The following HNRNPR variants were observed in gnomAD, a reference collection of about 807,000 sequenced individuals.
The protein encoded by HNRNPR is heterogeneous nuclear ribonucleoprotein R.
HNRNPR carries 4 observed loss-of-function variants against 70.3 expected under a neutral mutation model. The ratio of observed to expected loss-of-function variants is 0.06; its 90% CI spans 0.03 to 0.13. The LOEUF is 0.13. Ranked by LOEUF, HNRNPR falls within the 10% of genes least tolerant of loss-of-function variation. The probability of loss-of-function intolerance (pLI) is 1.00; values close to 1 mark genes in which losing one functional copy is unlikely to be tolerated. For synonymous variants in HNRNPR, 241 were observed against 267.6 expected (o/e 0.90, Z 0.97); for missense variants, 423 against 788.5 (o/e 0.54, Z 5.55).
At chr1:23,320,783 A>C (rs1345981842) in intron 7 of HNRNPR, among the ~76,000 whole-genome samples, 2 of 152,250 alleles carry the variant, frequency 1.3e-5, no homozygotes, top group Non-Finnish European at 2.9e-5. Flanking sequence ...AGTTTTGTTA[A>C]ATTGTTTCAG....
Position 23,321,634 on chromosome 1 carries a change from T to C in HNRNPR, c.705A>G (p.Lys235=). ...CCACAGAAATGCACACTCCAAGGTG[T>C]TTACCAGGGCGAATTTCATAGCTGT... The part of the protein sequence containing the change: ...LCDSYEIRPG[K]HLGVCISVAN... Residue 235 remains lysine, a synonymous_variant, in exon 7 of 11, where the codon AAA becomes AAG. Transcript: ENST00000302271. 4 of 1,609,916 alleles carry C rather than the reference T, an allele frequency of 2.5e-6. No individual in the cohort carries two copies. The highest frequency in any genetic ancestry group is 3.4e-6 in the Non-Finnish European group (4 of 1,177,570).
At chr1:23,334,071 G>A (rs577542642) in intron 4 of HNRNPR, among the ~76,000 whole-genome samples, 42 of 151,620 alleles carry the variant, frequency 2.8e-4, no homozygotes, top group South Asian at 2.1e-3. Flanking sequence ...GTGCCACCAC[G>A]CCCAGCTAAT....
chr1:23,323,763 C>G lies in HNRNPR; in HGVS notation c.499-31G>C, dbSNP rs1479461947. 5 of 1,585,598 alleles carry G rather than the reference C, an allele frequency of 3.2e-6. No individual in the cohort carries two copies. In the South Asian group the frequency reaches 5.6e-5, roughly 18 times the overall value. On this transcript the variant is annotated intron_variant, in intron 5 of 10. Transcript: ENST00000302271. ...ATAAAACCCCCTTATTAGAATCCAACATAAGCATTTGATTTTAGAGCCATA... is the reference window on the plus strand; with the variant it reads ...ATAAAACCCCCTTATTAGAATCCAAGATAAGCATTTGATTTTAGAGCCATA...
At position 23,317,527 on chromosome 1, in the gene HNRNPR, G is replaced by A. The variant is rs570876970; in HGVS notation, c.1017+956C>T. On this transcript the variant is annotated intron_variant, in intron 8 of 10. Transcript: ENST00000302271. The stretch of plus-strand genomic sequence containing the variant: ...GGAAAACTTAAGAACCAGTACTCAA[G>A]GCACCACTATTAAGATCCTGGCAAC... 8.5e-5 allele frequency among the ~76,000 whole-genome samples: 13 copies of A among 152,176 alleles called. 1 individual carries two copies. Among genetic ancestry groups the A allele is most frequent in the African/African-American group, 3.1e-4 (13 of 41,538 alleles).
At position 23,339,344 on chromosome 1, in the gene HNRNPR, C is replaced by T. The variant is rs539721392; in HGVS notation, c.158-736G>A. 1.1e-3 allele frequency among the ~76,000 whole-genome samples: 171 copies of T among 152,274 alleles called. 1 individual carries two copies. The highest frequency in any genetic ancestry group is 3.8e-3 in the African/African-American group (157 of 41,566). On this transcript the variant is annotated intron_variant, in intron 2 of 10. Transcript: ENST00000302271. The stretch of plus-strand genomic sequence containing the variant: ...TGGCATTCACATTGACTGTCAAGAA[C>T]GACAATCATTTTCAAATGGCAATAA...
At chr1:23,331,545 C>G (rs1004287395) in intron 5 of HNRNPR, among the ~76,000 whole-genome samples, 2 of 152,026 alleles carry the variant, frequency 1.3e-5, no homozygotes, top group Admixed American at 1.3e-4. Flanking sequence ...ACAAAATTAG[C>G]CAGGTGTGGC....
chr1:23,341,408 C>T (rs1395888451), intron 1 of HNRNPR, among the ~76,000 whole-genome samples: 1 of 152,132 alleles, frequency 6.6e-6, no homozygotes, highest in Non-Finnish European at 1.5e-5. Context: ...GTTTTAAAAA[C>T]AGAATGAACA....
intron 5 of HNRNPR, among the ~76,000 whole-genome samples, chr1:23,327,368 T>C (rs967473520): frequency 6.6e-6 from 1 of 152,214 alleles, no homozygotes; most frequent in Non-Finnish European, 1.5e-5. Context: ...ATGAAGTTTA[T>C]ATTCTACTGA....
Position 23,307,654 on chromosome 1 carries a change from AATAC to A in HNRNPR, c.*2796_*2799del, listed in dbSNP as rs1156723725. On this transcript the variant is annotated 3_prime_UTR_variant, in exon 11 of 11. Transcript: ENST00000302271. ...TTAAAAATTAAAATACCTTCATATA[AATAC>A]ATACATTTAAGCAACTGCTATAAAT... 1 of 152,118 alleles carries A rather than the reference AATAC, an allele frequency of 6.6e-6. No individual in the cohort carries two copies. The highest frequency in any genetic ancestry group is 1.9e-4 in the East Asian group (1 of 5,208). 9.4% of individuals were successfully genotyped at this position (152,118 alleles called of 1,614,324 possible).
At chr1:23,313,772 C>T (rs945048088) in intron 8 of HNRNPR, 70 bp from the exon 9 acceptor site, 1 of 1,496,312 alleles carries the variant, frequency 6.7e-7, no homozygotes, top group Non-Finnish European at 9.0e-7. Flanking sequence ...TTCTTCCTGT[C>T]TTCATAGCAT....
Position 23,308,649 on chromosome 1 carries a change from C to T in HNRNPR, c.*1805G>A, listed in dbSNP as rs1645242011. The T allele has an allele frequency of 6.6e-6, 1 of 152,032 alleles. No individual in the cohort carries two copies. The highest frequency in any genetic ancestry group is 2.4e-5 in the African/African-American group (1 of 41,526). The allele number at this position is 152,032 out of a possible 1,614,324, so 9.4% of individuals were successfully genotyped here. The stretch of plus-strand genomic sequence containing the variant: ...ATCAGTTTCCAAAAAACTAAAATAT[C>T]AATAAGGTCTGTTAAATGACTATAC... On this transcript the variant is annotated 3_prime_UTR_variant, in exon 11 of 11. Coordinates refer to ENST00000302271, the MANE Select transcript of HNRNPR (RefSeq NM_005826.5).
At chr1:23,316,119 C>T (rs1341099299) in intron 8 of HNRNPR, among the ~76,000 whole-genome samples, 2 of 152,130 alleles carry the variant, frequency 1.3e-5, no homozygotes, top group Non-Finnish European at 2.9e-5. Context: ...GTGTGAATAA[C>T]AGAAGCTTTA....
At chr1:23,343,280 CCT>C (rs1646773576) in intron 1 of HNRNPR, among the ~76,000 whole-genome samples, 2 of 152,108 alleles carry the variant, frequency 1.3e-5, no homozygotes, top group African/African-American at 4.8e-5. Context: ...TTTTTCTGAA[CCT>C]CTCTGTGCAA....
Position 23,332,285 on chromosome 1 carries a change from C to A in HNRNPR, c.498+1233G>T, listed in dbSNP as rs560641529. The stretch of plus-strand genomic sequence containing the variant: ...ACATACTCAATCTTTTATCTGATTC[C>A]ACATCCTTCCCTTGTGCAATCCACG... On this transcript the variant is annotated intron_variant, in intron 5 of 10. Transcript: ENST00000302271. 2.0e-5 allele frequency among the ~76,000 whole-genome samples: 3 copies of A among 152,164 alleles called. No homozygotes were observed. The East Asian group carries it at 5.8e-4, about 29-fold the overall frequency.
Position 23,333,637 on chromosome 1 carries a change from G to A in HNRNPR, c.385-6C>T. ...CCAGTTCTCTCAAGCAAGGCCTAGA[G>A]ATAATTATACATCTCTTTATACTTG... On this transcript the variant is annotated splice_polypyrimidine_tract_variant and splice_region_variant and intron_variant, in intron 4 of 10. Transcript: ENST00000302271. 6.6e-7 allele frequency: 1 copy of A among 1,509,258 alleles called. No individual in the cohort carries two copies. The highest frequency in any genetic ancestry group is 9.2e-7 in the Non-Finnish European group (1 of 1,084,504). The allele number at this position is 1,509,258 out of a possible 1,614,324, so 93.5% of individuals were successfully genotyped here.
intron 2 of HNRNPR, among the ~76,000 whole-genome samples, chr1:23,339,698 T>C (rs914546970): frequency 3.3e-5 from 5 of 152,196 alleles, no homozygotes; most frequent in African/African-American, 1.2e-4. Context: ...AAAGTTGCCA[T>C]GATTTGTTTC....
In HNRNPR at chr1:23,324,128, C is replaced by T. The variant is rs1645866486; in HGVS notation, c.499-396G>A. On this transcript the variant is annotated intron_variant, in intron 5 of 10. Coordinates refer to ENST00000302271, the MANE Select transcript of HNRNPR (RefSeq NM_005826.5). ...AGGAGTTCAAAACTAGCCTAGGCAA[C>T]ATGGCAAAACCCCATTTCTATTATT... Among the ~76,000 whole-genome samples, 2 of 150,720 alleles carry T rather than the reference C, an allele frequency of 1.3e-5. 1 individual carries two copies. Among genetic ancestry groups the T allele is most frequent in the African/African-American group, 4.9e-5 (2 of 40,960 alleles).
In HNRNPR at chr1:23,310,381, A is replaced by AT. The variant is rs1474262091; in HGVS notation, c.*72dup. 53,473 of 953,696 alleles carry AT rather than the reference A, an allele frequency of 0.056. 4 individuals carry two copies. The highest frequency in any genetic ancestry group is 0.072 in the South Asian group (3,303 of 46,104). The allele number at this position is 953,696 out of a possible 1,614,324, so 59.1% of individuals were successfully genotyped here. ...ACTTAAAGATGAAACAGTTAAGCCAATTTTTTTTTTTGAAGAATGTAGATC... is the reference window on the plus strand; with the variant it reads ...ACTTAAAGATGAAACAGTTAAGCCAATTTTTTTTTTTTGAAGAATGTAGATC... On this transcript the variant is annotated 3_prime_UTR_variant, in exon 11 of 11. Transcript: ENST00000302271. The surrounding 1 kb of genome is among the most constrained non-coding windows in gnomAD (Gnocchi z 6.0).
rs1645211431 is a variant in HNRNPR at position 23,306,936 on chromosome 1, C to T, written c.*3518G>A. 6.6e-6 allele frequency: 1 copy of T among 152,160 alleles called. No individual in the cohort carries two copies. The highest frequency in any genetic ancestry group is 1.5e-5 in the Non-Finnish European group (1 of 68,020). 9.4% of individuals were successfully genotyped at this position (152,160 alleles called of 1,614,324 possible). On this transcript the variant is annotated 3_prime_UTR_variant, in exon 11 of 11. Transcript: ENST00000302271. ...CCCTAAGTTAACAGAAGCTCCCATT[C>T]TTAGAGAAACATAAACACACTTATA...
Sources: gnomAD v4.1 joint callset for allele counts (sites outside exome capture counted in the v4.1 genomes callset) on GRCh38, gnomAD v4.1.1 for gene constraint, Gnocchi (gnomAD v3.1) non-coding constraint, MANE v1.5 for transcripts, NCBI Gene and HGNC (gene_info 2026-07-23, HGNC 2026-07-21) for gene names.